KAZN: variants seen among roughly 807,000 people sequenced by gnomAD.
KAZN encodes kazrin.
Under a neutral mutation model 87.4 loss-of-function variants are expected in KAZN, and 40 were observed. The observed-to-expected ratio is 0.46, with a 90% CI of 0.36 to 0.60. KAZN has a LOEUF of 0.60. Among genes scored for constraint, KAZN ranks in the 20% least tolerant of loss-of-function variants. The pLI, the probability that KAZN is intolerant of heterozygous loss-of-function variation, is 0.00. For missense variants in KAZN, 898 were observed against 1,073.9 expected (o/e 0.84, Z 2.29); for synonymous variants, 466 against 458.3 (o/e 1.02, Z -0.22).
chr1:14,778,961 G>A (rs1379828175), intron 1 of KAZN, among the ~76,000 whole-genome samples: 2 of 152,142 alleles, frequency 1.3e-5, no homozygotes, highest in Admixed American at 1.3e-4. Flanking sequence ...GGGAGCCTGA[G>A]GCCTCTCTCT....
chr1:14,914,459 G>A (rs1015567843), intron 1 of KAZN, among the ~76,000 whole-genome samples: 6 of 152,170 alleles, frequency 3.9e-5, no homozygotes, highest in Admixed American at 6.5e-5. Flanking sequence ...GCCCAGGCAC[G>A]ACTACACAGG....
chr1:14,074,411 C>T (rs12084851), intron 1 of KAZN, among the ~76,000 whole-genome samples: 3 of 152,210 alleles, frequency 2.0e-5, no homozygotes, highest in Non-Finnish European at 2.9e-5. Flanking sequence ...CAAACCAGCA[C>T]CCCTTGACCA....
chr1:15,022,503 G>A (rs1670779035), intron 2 of KAZN, among the ~76,000 whole-genome samples: 1 of 152,200 alleles, frequency 6.6e-6, no homozygotes, highest in Non-Finnish European at 1.5e-5. Flanking sequence ...GAGAGTCCAG[G>A]CCTCTGTCTG....
At chr1:14,025,442 T>A (rs1376182829) in intron 1 of KAZN, among the ~76,000 whole-genome samples, 1 of 152,234 alleles carries the variant, frequency 6.6e-6, no homozygotes, top group East Asian at 1.9e-4. Context: ...AAATGGACCA[T>A]GTCTTAACCC....
chr1:15,052,598 G>GT (rs1356915023), intron 4 of KAZN, among the ~76,000 whole-genome samples: 1 of 152,096 alleles, frequency 6.6e-6, no homozygotes, highest in African/African-American at 2.4e-5. Flanking sequence ...GTGCATGTGT[G>GT]TATGTGTGTA....
Position 15,034,890 on chromosome 1 carries a change from G to A in KAZN, c.555+5G>A, listed in dbSNP as rs756649165. ...AACTATGAGCAGCACCGCAAGGTCA[G>A]CCGCCGCCCTGCCCTCCCCTCCCCT... On this transcript the variant is annotated splice_donor_5th_base_variant and intron_variant, in intron 3 of 14. Transcript: ENST00000376030. The A allele has an allele frequency of 6.2e-7, 1 of 1,613,256 alleles. No homozygotes were observed. Among genetic ancestry groups the A allele is most frequent in the African/African-American group, 1.3e-5 (1 of 74,848 alleles).
intron 1 of KAZN, among the ~76,000 whole-genome samples, chr1:14,937,820 C>T (rs1031253237): frequency 2.6e-5 from 4 of 152,256 alleles, no homozygotes; most frequent in Non-Finnish European, 2.9e-5. Flanking sequence ...TGGCCATCTC[C>T]CTGAAAGGCG....
intron 4 of KAZN, among the ~76,000 whole-genome samples, chr1:15,050,161 A>ATAG (rs879257421): frequency 0.091 from 4,192 of 45,848 alleles, 169 homozygotes; most frequent in African/African-American, 0.25. Context: ...AATAGAATGG[A>ATAG]ATAGAATAGA....
chr1:14,532,593 A>G (rs1460433258), intron 2 of KAZN, among the ~76,000 whole-genome samples: 1 of 146,804 alleles, frequency 6.8e-6, no homozygotes, highest in Non-Finnish European at 1.5e-5. Flanking sequence ...AGCATTAGGT[A>G]TATCTCCTAA....
At chr1:13,904,943 C>T (rs934350886) in intron 1 of KAZN, among the ~76,000 whole-genome samples, 1 of 147,596 alleles carries the variant, frequency 6.8e-6, no homozygotes, top group African/African-American at 2.7e-5. Context: ...CCATCTTTGT[C>T]TCTCTGTTGC....
chr1:14,046,143 G>A (rs1642062807), intron 1 of KAZN, among the ~76,000 whole-genome samples: 1 of 152,172 alleles, frequency 6.6e-6, no homozygotes, highest in South Asian at 2.1e-4. Context: ...TAGGAATCAT[G>A]GATGGTGGGT....
intron 1 of KAZN, among the ~76,000 whole-genome samples, chr1:14,007,071 G>C (rs1240054989): frequency 1.3e-5 from 2 of 151,980 alleles, no homozygotes; most frequent in African/African-American, 2.4e-5. Context: ...TTATTTCTAA[G>C]TGTTTTATTC....
Position 14,749,696 on chromosome 1 carries a change from A to C in KAZN, c.226+150473A>C, listed in dbSNP as rs534637569. Among the ~76,000 whole-genome samples the C allele has an allele frequency of 3.3e-5, 5 of 152,232 alleles. No individual in the cohort carries two copies. In the East Asian group the frequency reaches 9.7e-4, roughly 30 times the overall value. On this transcript the variant is annotated intron_variant, in intron 1 of 14. Coordinates refer to ENST00000376030, the MANE Select transcript of KAZN (RefSeq NM_201628.3). ...TGGTGCTCAGGACCTGTGCGTCCTC[A>C]CACAGGCACCAGGCCTCCCATTCAG...
intron 1 of KAZN, among the ~76,000 whole-genome samples, chr1:13,945,210 A>T (rs1641091032): frequency 6.6e-6 from 1 of 152,214 alleles, no homozygotes; most frequent in African/African-American, 2.4e-5. Flanking sequence ...GTGGTGGCTC[A>T]CACCTATAAT....
At chr1:15,057,620 G>A (rs1638409380) in intron 5 of KAZN, among the ~76,000 whole-genome samples, 2 of 152,184 alleles carry the variant, frequency 1.3e-5, no homozygotes, top group Admixed American at 1.3e-4. Flanking sequence ...AGCGTGGGCA[G>A]CTCTGGCCTT....
intron 2 of KAZN, among the ~76,000 whole-genome samples, chr1:14,419,226 T>C: frequency 6.6e-6 from 1 of 152,172 alleles, no homozygotes; most frequent in East Asian, 1.9e-4. Flanking sequence ...GTTCCTGCTG[T>C]CATTTTAAAA....
intron 4 of KAZN, among the ~76,000 whole-genome samples, chr1:15,047,924 C>A (rs961494388): frequency 2.0e-5 from 3 of 152,188 alleles, no homozygotes; most frequent in African/African-American, 7.2e-5. Flanking sequence ...GCCCTGTGGC[C>A]CATCTTGGGC....
At chr1:14,666,761 CAG>C (rs1639580593) in intron 1 of KAZN, among the ~76,000 whole-genome samples, 2 of 152,188 alleles carry the variant, frequency 1.3e-5, no homozygotes, top group African/African-American at 2.4e-5. Context: ...GTTTTTGAGA[CAG>C]AGTCTCACTC....
chr1:14,913,612 G>T (rs902484046), intron 1 of KAZN, among the ~76,000 whole-genome samples: 1 of 152,228 alleles, frequency 6.6e-6, no homozygotes, highest in African/African-American at 2.4e-5. Flanking sequence ...CTGCCTTACT[G>T]TCTGGGCTTG....
Sources: allele counts gnomAD v4.1 joint callset (sites outside exome capture counted in the v4.1 genomes callset), GRCh38; gene constraint gnomAD v4.1.1; transcripts MANE v1.5; gene names NCBI Gene and HGNC (gene_info 2026-07-23, HGNC 2026-07-21).